Variants in UIMC1 observed in about 807,000 individuals in gnomAD.
UIMC1 encodes ubiquitin interaction motif containing 1, also known as BRCA1-A complex subunit RAP80.
In UIMC1, 42 loss-of-function variants were observed where a neutral mutation model predicts 84.9. The observed-to-expected ratio is 0.49, with a 90% CI of 0.39 to 0.64. The LOEUF is 0.64. Ranked by LOEUF, UIMC1 falls within the 30% of genes least tolerant of loss-of-function variation. The probability of loss-of-function intolerance (pLI) is 0.00; values close to 1 mark genes in which losing one functional copy is unlikely to be tolerated. For synonymous variants in UIMC1, 281 were observed against 293.0 expected (o/e 0.96, Z 0.42); for missense variants, 825 against 847.6 (o/e 0.97, Z 0.33).
chr5:176,922,629 T>C (rs1027507625), intron 10 of UIMC1, among the ~76,000 whole-genome samples: 3 of 152,252 alleles, frequency 2.0e-5, no homozygotes, highest in Non-Finnish European at 2.9e-5. Flanking sequence ...TGGGTTAAGT[T>C]GTTCATTGTT....
At chr5:176,932,470 C>CG (rs964933964) in intron 10 of UIMC1, among the ~76,000 whole-genome samples, 18 of 151,634 alleles carry the variant, frequency 1.2e-4, no homozygotes, top group South Asian at 2.1e-4. Flanking sequence ...TGATGTAATA[C>CG]GGGGGGGCGG....
chr5:176,908,787 G>T, intron 11 of UIMC1, 93 bp from the exon 12 acceptor site: 1 of 1,359,622 alleles, frequency 7.4e-7, no homozygotes, highest in Non-Finnish European at 1.0e-6. Flanking sequence ...TTTTTACGTC[G>T]CAAAGTTATT....
At chr5:176,951,980 C>T (rs67334206) in intron 8 of UIMC1, among the ~76,000 whole-genome samples, 2 of 152,080 alleles carry the variant, frequency 1.3e-5, no homozygotes, top group Non-Finnish European at 2.9e-5. Context: ...ATAATTTTGT[C>T]TCTCATATAA....
intron 4 of UIMC1, chr5:176,970,445 C>T: frequency 2.5e-6 from 1 of 405,698 alleles, no homozygotes. Context: ...TTGCTGCCTT[C>T]TGGTTCTTGG....
chr5:177,004,163 A>AATTAGAC (rs1244512764), intron 1 of UIMC1, among the ~76,000 whole-genome samples: 2 of 152,194 alleles, frequency 1.3e-5, no homozygotes, highest in Admixed American at 1.3e-4. Flanking sequence ...GCTATACCAC[A>AATTAGAC]AAATATGTCT....
At chr5:176,995,829 G>A (rs1181413567) in intron 1 of UIMC1, among the ~76,000 whole-genome samples, 1 of 115,528 alleles carries the variant, frequency 8.7e-6, no homozygotes, top group South Asian at 2.9e-4. Flanking sequence ...GGCAACAAGA[G>A]TGAAACTCCA....
chr5:176,933,237 C>G (rs918150420), intron 10 of UIMC1, among the ~76,000 whole-genome samples: 3 of 152,166 alleles, frequency 2.0e-5, no homozygotes, highest in African/African-American at 7.2e-5. Flanking sequence ...CCAACAGACA[C>G]TGAGGCAAAC....
At chr5:176,910,847 T>C (rs1461717560) in intron 11 of UIMC1, among the ~76,000 whole-genome samples, 1 of 151,942 alleles carries the variant, frequency 6.6e-6, no homozygotes, top group Admixed American at 6.5e-5. Flanking sequence ...TCCCAGCACT[T>C]TGGGAGGCCG....
rs185161128 is a variant in UIMC1 at position 176,983,514 on chromosome 5, C to T, written c.-8-891G>A. Among the ~76,000 whole-genome samples, 1,386 of 152,264 alleles carry T rather than the reference C, an allele frequency of 9.1e-3. 8 individuals are homozygous for T. The highest frequency in any genetic ancestry group is 0.025 in the South Asian group (121 of 4,826). ...CCTCCCGAGGTGCTGGGATTGCAGACGGAGTCTCGCTCACTCAATGCTCAA... is the reference window on the plus strand; with the variant it reads ...CCTCCCGAGGTGCTGGGATTGCAGATGGAGTCTCGCTCACTCAATGCTCAA... On this transcript the variant is annotated intron_variant, in intron 1 of 14. Coordinates refer to ENST00000511320, the MANE Select transcript of UIMC1 (RefSeq NM_001199298.2).
At chr5:176,972,127 G>A (rs182656490) in intron 3 of UIMC1, among the ~76,000 whole-genome samples, 69 of 152,188 alleles carry the variant, frequency 4.5e-4, no homozygotes, top group African/African-American at 1.4e-3. Flanking sequence ...CAGGCCAGGC[G>A]CGGTGGCTCA....
At chr5:176,911,419 A>G in intron 10 of UIMC1, 30 bp from the exon 11 acceptor site, 1 of 1,420,890 alleles carries the variant, frequency 7.0e-7, no homozygotes, top group Non-Finnish European at 9.3e-7. Context: ...ATATATATAC[A>G]CATAGTTAGC....
At chr5:177,006,317 G>A (rs1467786866) in intron 1 of UIMC1, 1 of 152,494 alleles carries the variant, frequency 6.6e-6, no homozygotes, top group Non-Finnish European at 1.5e-5. Context: ...CCCGGCATCT[G>A]GAGAAGCCCA....
chr5:176,935,906 C>A (rs553106621), intron 10 of UIMC1, among the ~76,000 whole-genome samples: 58 of 152,198 alleles, frequency 3.8e-4, no homozygotes, highest in African/African-American at 1.4e-3. Flanking sequence ...GAGATATCCC[C>A]GAAGAGAAAG....
Position 176,907,128 on chromosome 5 carries a change from T to C in UIMC1, c.1898A>G (p.Glu633Gly), listed in dbSNP as rs1415243572. The C allele has an allele frequency of 6.2e-7, 1 of 1,613,908 alleles. No homozygotes were observed. Among genetic ancestry groups the C allele is most frequent in the East Asian group, 2.2e-5 (1 of 44,890 alleles). The part of the protein sequence containing the change: ...GRLLSFLEQS[E>G]HKTSDADIKS... The stretch of plus-strand genomic sequence containing the variant: ...GGGGTCCTCACCTGAAGTCTTGTGC[T>C]CAGACTGTTCCAAGAAACTAAGGAG... Residue 633 changes from glutamate (E) to glycine (G), a missense_variant, in exon 13 of 15, where the codon GAG becomes GGG. Coordinates refer to ENST00000511320, the MANE Select transcript of UIMC1 (RefSeq NM_001199298.2).
chr5:176,948,449 G>A (rs1211362194), intron 9 of UIMC1, among the ~76,000 whole-genome samples: 3 of 152,156 alleles, frequency 2.0e-5, no homozygotes, highest in African/African-American at 4.8e-5. Flanking sequence ...AACCAACAGA[G>A]TAAAATAGGT....
At chr5:176,926,843 T>G (rs186173815) in intron 10 of UIMC1, among the ~76,000 whole-genome samples, 1 of 152,092 alleles carries the variant, frequency 6.6e-6, no homozygotes, top group African/African-American at 2.4e-5. Flanking sequence ...AATTTGAAAT[T>G]TTCAAAATAG....
rs576265775 is a variant in UIMC1 at position 176,915,854 on chromosome 5, A to C, written c.1598-4465T>G. 1.4e-4 allele frequency among the ~76,000 whole-genome samples: 22 copies of C among 152,132 alleles called. No individual in the cohort carries two copies. In the South Asian group the frequency reaches 4.4e-3, roughly 30 times the overall value. ...GAATGCAATACAAATCTGACTTTAC[A>C]GAAGCATATGTTCTTCTACAAGAGC... On this transcript the variant is annotated intron_variant, in intron 10 of 14. Coordinates refer to ENST00000511320, the MANE Select transcript of UIMC1 (RefSeq NM_001199298.2).
intron 1 of UIMC1, among the ~76,000 whole-genome samples, chr5:177,003,532 G>T (rs1416457609): frequency 6.6e-6 from 1 of 151,896 alleles, no homozygotes; most frequent in East Asian, 1.9e-4. Flanking sequence ...GCGCGCCTGT[G>T]ATCCCAGCTA....
chr5:176,950,100 C>CT (rs779279628), intron 9 of UIMC1, among the ~76,000 whole-genome samples: 1,988 of 108,664 alleles, frequency 0.018, 90 homozygotes, highest in African/African-American at 0.057. Flanking sequence ...AGGAACCTTT[C>CT]TTTTTTTTTT....
Sources: gnomAD v4.1 joint callset for allele counts (sites outside exome capture counted in the v4.1 genomes callset) on GRCh38, gnomAD v4.1.1 for gene constraint, MANE v1.5 for transcripts, NCBI Gene and HGNC (gene_info 2026-07-23, HGNC 2026-07-21) for gene names.